The following FBXL5 variants were observed in gnomAD, a reference collection of about 807,000 sequenced individuals.
The protein encoded by FBXL5 is F-box and leucine rich repeat protein 5.
FBXL5 carries 26 observed loss-of-function variants against 78.3 expected under a neutral mutation model. The ratio of observed to expected loss-of-function variants is 0.33; its 90% CI spans 0.24 to 0.46. The LOEUF is 0.46. Ranked by LOEUF, FBXL5 falls within the 20% of genes least tolerant of loss-of-function variation. The probability of loss-of-function intolerance (pLI) is 1.00; values close to 1 mark genes in which losing one functional copy is unlikely to be tolerated. For synonymous variants in FBXL5, 295 were observed against 282.5 expected, an observed-to-expected ratio of 1.04 and a Z score of -0.45; for missense variants, 710 against 829.2, an observed-to-expected ratio of 0.86 and a Z score of 1.77.
At chr4:15,612,494 T>G in intron 9 of FBXL5, 80 bp from the exon 10 acceptor site, 1 of 1,244,708 alleles carries the variant, frequency 8.0e-7, no homozygotes, top group Non-Finnish European at 1.1e-6. Flanking sequence ...TGAACCACTA[T>G]TTTACATACT....
At chr4:15,628,791 A>ACG (rs1553850294) in intron 6 of FBXL5, among the ~76,000 whole-genome samples, 9 of 78,406 alleles carry the variant, frequency 1.1e-4, no homozygotes, top group Non-Finnish European at 2.0e-4. Context: ...ACACACACGC[A>ACG]CACACACACA....
chr4:15,673,366 A>C (rs745442243), intron 1 of FBXL5, among the ~76,000 whole-genome samples: 1 of 152,124 alleles, frequency 6.6e-6, no homozygotes, highest in Non-Finnish European at 1.5e-5. Flanking sequence ...ACCAGAGCCC[A>C]GAAGGTCGAG....
At position 15,627,904 on chromosome 4, in the gene FBXL5, G is replaced by A; in HGVS notation, c.1022C>T (p.Ser341Phe). 1 of 1,612,294 alleles carries A rather than the reference G, an allele frequency of 6.2e-7. No individual in the cohort carries two copies. The highest frequency in any genetic ancestry group is 1.1e-5 in the South Asian group (1 of 90,814). Residue 341 changes from serine (S) to phenylalanine (F), a missense_variant, in exon 7 of 11, where the codon TCT (serine) becomes TTT (phenylalanine). Ser to Phe is a radical substitution (Grantham distance 155). Around this residue, in one of 4 missense-constraint regions of FBXL5, gnomAD observed 517 missense variants for 542.9 expected, o/e 0.95. Coordinates refer to ENST00000341285, the MANE Select transcript of FBXL5 (RefSeq NM_012161.4). The stretch of plus-strand genomic sequence containing the variant: ...ACATACCATTTTGCTGGAAACTGCA[G>A]AGCTGTATGCTAATACTAAGGTTTT... Reference protein sequence around the residue: ...SVKTLVLAYSSAVSSKMVRQI... With the variant: ...SVKTLVLAYSFAVSSKMVRQI...
At chr4:15,641,071 G>A (rs1194864550) in intron 2 of FBXL5, among the ~76,000 whole-genome samples, 188 bp from the exon 3 acceptor site, 1 of 152,032 alleles carries the variant, frequency 6.6e-6, no homozygotes, top group Non-Finnish European at 1.5e-5. Flanking sequence ...CTTTAGTAAT[G>A]TATGTAACCC....
intron 1 of FBXL5, among the ~76,000 whole-genome samples, chr4:15,649,205 C>T (rs1380518275): frequency 2.0e-5 from 3 of 151,828 alleles, no homozygotes; most frequent in Non-Finnish European, 2.9e-5. Context: ...CTTAAAGATA[C>T]TACCCAACTC....
At chr4:15,627,204 G>A (rs1713161887) in intron 7 of FBXL5, among the ~76,000 whole-genome samples, 1 of 143,824 alleles carries the variant, frequency 7.0e-6, no homozygotes, top group African/African-American at 2.6e-5. Flanking sequence ...GCAGTATCTT[G>A]GCTCACTGCA....
intron 6 of FBXL5, among the ~76,000 whole-genome samples, chr4:15,629,221 A>T (rs1349826003): frequency 6.6e-6 from 1 of 152,114 alleles, no homozygotes; most frequent in African/African-American, 2.4e-5. Flanking sequence ...CCTTTTCAAT[A>T]TGAAGGAAAT....
rs1247587003 is a variant in FBXL5, at chr4:15,604,445, G to C, written c.*1278C>G. On this transcript the variant is annotated 3_prime_UTR_variant, in exon 11 of 11. Transcript: ENST00000341285. ...ATGGCATTCCAAAGCAATTACAATA[G>C]TAACAACAATCACTGGCCACAGATC... The C allele has an allele frequency of 6.6e-6, 1 of 151,938 alleles. No individual in the cohort carries two copies. The highest frequency in any genetic ancestry group is 1.5e-5 in the Non-Finnish European group (1 of 68,034). The allele number at this position is 151,938 out of a possible 1,614,324, so 9.4% of individuals were successfully genotyped here.
At chr4:15,655,933 C>G (rs1299092455), upstream of FBXL5, among the ~76,000 whole-genome samples, 4 of 152,232 alleles carry the variant, frequency 2.6e-5, no homozygotes, top group Non-Finnish European at 5.9e-5. Context: ...GCTCTGAGAG[C>G]TTCGGTCCCG....
At chr4:15,609,110 C>T (rs1229263376) in intron 10 of FBXL5, among the ~76,000 whole-genome samples, 5 of 152,170 alleles carry the variant, frequency 3.3e-5, no homozygotes, top group Non-Finnish European at 2.9e-5. Flanking sequence ...GCCAGGTAGA[C>T]AGCTATGCTT....
chr4:15,681,009 C>A (rs979414060), intron 1 of FBXL5, among the ~76,000 whole-genome samples: 1 of 150,322 alleles, frequency 6.7e-6, no homozygotes, highest in Non-Finnish European at 1.5e-5. Context: ...TGGTTTGTGA[C>A]AAAGATGCAC....
chr4:15,633,633 G>A (rs1403674714), intron 5 of FBXL5, among the ~76,000 whole-genome samples: 2 of 152,136 alleles, frequency 1.3e-5, no homozygotes, highest in African/African-American at 2.4e-5. Flanking sequence ...TCACTCTGCC[G>A]CCCAGGCTGG....
chr4:15,663,649 T>G (rs28394730), upstream of FBXL5, among the ~76,000 whole-genome samples: 1 of 152,056 alleles, frequency 6.6e-6, no homozygotes, highest in South Asian at 2.1e-4. Context: ...TGGTGGAGAT[T>G]AAATGAGATT....
chr4:15,621,818 A>G (rs1712511585), intron 9 of FBXL5, among the ~76,000 whole-genome samples: 2 of 152,154 alleles, frequency 1.3e-5, no homozygotes, highest in Non-Finnish European at 2.9e-5. Context: ...TTATCAATTT[A>G]ACATTCTCCA....
chr4:15,647,233 A>AG (rs1208069359), intron 1 of FBXL5, among the ~76,000 whole-genome samples: 1 of 138,800 alleles, frequency 7.2e-6, no homozygotes, highest in Non-Finnish European at 1.5e-5. Flanking sequence ...AAAAAAAAAA[A>AG]AAAAAAAAAA....
In FBXL5 at chr4:15,612,384, A is replaced by G. The variant is rs753652911; in HGVS notation, c.1881T>C (p.Tyr627=). The change falls in exon 10 of 11, where the codon TAT becomes TAC. Residue 627 remains tyrosine, a synonymous_variant. Coordinates refer to ENST00000341285, the MANE Select transcript of FBXL5 (RefSeq NM_012161.4). ...RVLTLGGGLP[Y]LEHLNLSGCL... ...AACCAGAGAGATTAAGGTGCTCCAA[A>G]TAAGGCAGCCCTCCTCCCAGAGTCA... The G allele has an allele frequency of 4.3e-6, 7 of 1,611,760 alleles. No individual in the cohort carries two copies. The highest frequency in any genetic ancestry group is 5.9e-6 in the Non-Finnish European group (7 of 1,179,056).
intron 6 of FBXL5, 118 bp from the exon 7 acceptor site, chr4:15,628,151 T>C: frequency 1.0e-6 from 1 of 970,712 alleles, no homozygotes; most frequent in East Asian, 2.8e-5. Flanking sequence ...CTTTCTTATG[T>C]AAACCATCCC....
rs755092915 is a variant in FBXL5 at position 15,628,095 on chromosome 4, C to T, written c.893-62G>A. 35 of 1,491,796 alleles carry T rather than the reference C, an allele frequency of 2.3e-5. No homozygotes were observed. The Middle Eastern group carries it at 5.8e-4, about 25-fold the overall frequency. 92.4% of individuals were successfully genotyped at this position (1,491,796 alleles called of 1,614,324 possible). A position where few individuals can be genotyped will look rare whatever the true frequency, so the allele number is the denominator to read the frequency against. On this transcript the variant is annotated intron_variant, in intron 6 of 10. Transcript: ENST00000341285. ...ACTGATAATAATTAAGCTACTCAAG[C>T]GCTCACCAAATTGTTAAATATGACA... is the stretch of plus-strand genomic sequence containing the variant.
chr4:15,620,928 A>G (rs1393177318), intron 9 of FBXL5, among the ~76,000 whole-genome samples: 1 of 152,234 alleles, frequency 6.6e-6, no homozygotes, highest in East Asian at 1.9e-4. Flanking sequence ...GTTTTCCATA[A>G]GGGATACTTT....
Sources: allele counts gnomAD v4.1 joint callset (sites outside exome capture counted in the v4.1 genomes callset), GRCh38; gene constraint gnomAD v4.1.1; regional missense constraint gnomAD v4.1.1; transcripts MANE v1.5; gene names NCBI Gene and HGNC (gene_info 2026-07-23, HGNC 2026-07-21).